Variants in TNNT3 observed in about 807,000 individuals in gnomAD.
The protein encoded by TNNT3 is troponin T3, fast skeletal type, also known as troponin T, fast skeletal muscle.
TNNT3 carries 36 observed loss-of-function variants against 54.2 expected under a neutral mutation model. The ratio of observed to expected loss-of-function variants is 0.66; its 90% CI spans 0.51 to 0.88. TNNT3 has a LOEUF of 0.88. Among genes scored for constraint, TNNT3 ranks in the 40% least tolerant of loss-of-function variants. The pLI, the probability that TNNT3 is intolerant of heterozygous loss-of-function variation, is 0.00. For missense variants in TNNT3, 291 were observed against 331.6 expected (o/e 0.88, Z 0.95); for synonymous variants, 120 against 109.7 (o/e 1.09, Z -0.59).
intron 8 of TNNT3, 35 bp downstream of exon 8, chr11:1,929,863 T>C (rs1189242694): frequency 6.6e-7 from 1 of 1,506,514 alleles, no homozygotes; most frequent in East Asian, 2.5e-5. Flanking sequence ...CGCTGCTGAG[T>C]GTGTTCTGGG....
chr11:1,934,093 C>A, intron 11 of TNNT3, 85 bp downstream of exon 11: 1 of 1,427,940 alleles, frequency 7.0e-7, no homozygotes, highest in South Asian at 1.2e-5. Flanking sequence ...CTTCCTTCTC[C>A]CGGGGTTCCC....
chr11:1,935,003 C>G, intron 14 of TNNT3, 84 bp downstream of exon 14: 1 of 1,327,238 alleles, frequency 7.5e-7, no homozygotes, highest in African/African-American at 1.4e-5. Context: ...CCCTACCAAA[C>G]TCTGGACCTG....
intron 6 of TNNT3, among the ~76,000 whole-genome samples, chr11:1,927,037 G>A (rs1851812141): frequency 6.6e-6 from 1 of 152,200 alleles, no homozygotes; most frequent in African/African-American, 2.4e-5. Flanking sequence ...GACGGTGCTG[G>A]GGTCCACTGG....
chr11:1,935,446 G>A (rs1053113526), intron 14 of TNNT3: 1 of 231,410 alleles, frequency 4.3e-6, no homozygotes, highest in Non-Finnish European at 8.6e-6. Flanking sequence ...AAGGGGCCTG[G>A]GACTGTGCCC....
intron 11 of TNNT3, 48 bp from the exon 12 acceptor site, chr11:1,934,284 A>G (rs2133462997): frequency 1.3e-6 from 2 of 1,559,790 alleles, no homozygotes; most frequent in South Asian, 1.1e-5. Flanking sequence ...CCCAGAAAGC[A>G]TAGCCCTCTC....
At position 1,932,408 on chromosome 11, in the gene TNNT3, G is replaced by C; in HGVS notation, c.126-61G>C. The C allele has an allele frequency of 1.9e-6, 3 of 1,559,682 alleles. No homozygotes were observed. In the Admixed American group the frequency reaches 5.0e-5, roughly 26 times the overall value. ...CAGGGGCCAGCGGGGAAAGCGCCAG[G>C]CTGACCCTCTGGGGTGGGTCTCCGG... On this transcript the variant is annotated intron_variant, in intron 8 of 15. Transcript: ENST00000278317.
Position 1,923,081 on chromosome 11 carries a change from T to C in TNNT3, c.31+20T>C. On this transcript the variant is annotated intron_variant, in intron 3 of 15. Transcript: ENST00000278317. ...TGGAGGGTAAGTGTAACAGCCATTTTCTTTCTACTTCCTGCTCTAGAAGGA... is the reference window on the plus strand; with the variant it reads ...TGGAGGGTAAGTGTAACAGCCATTTCCTTTCTACTTCCTGCTCTAGAAGGA... 6.2e-7 allele frequency: 1 copy of C among 1,613,992 alleles called. No individual in the cohort carries two copies. Among genetic ancestry groups the C allele is most frequent in the South Asian group, 1.1e-5 (1 of 91,082 alleles).
chr11:1,925,493 C>T (rs1851330390), intron 5 of TNNT3: 2 of 627,992 alleles, frequency 3.2e-6, no homozygotes, highest in South Asian at 1.9e-5. Flanking sequence ...CCCCACAGCC[C>T]CCCAGGCAGT....
At chr11:1,934,985 C>G in intron 14 of TNNT3, 66 bp downstream of exon 14, 1 of 1,434,866 alleles carries the variant, frequency 7.0e-7, no homozygotes, top group Non-Finnish European at 9.8e-7. Flanking sequence ...GCAGCCATCT[C>G]CCTGCGTCCC....
chr11:1,926,554 G>C, intron 5 of TNNT3, 141 bp from the exon 6 acceptor site: 1 of 1,611,298 alleles, frequency 6.2e-7, no homozygotes, highest in Non-Finnish European at 8.5e-7. Context: ...GAAGGAACAA[G>C]AGGGGCCGCG....
At chr11:1,920,070 G>A (rs1849744197) in intron 1 of TNNT3, among the ~76,000 whole-genome samples, 2 of 152,314 alleles carry the variant, frequency 1.3e-5, no homozygotes, top group African/African-American at 4.8e-5. Flanking sequence ...GCTAGGGAGT[G>A]GCCTGAGGGC....
intron 6 of TNNT3, among the ~76,000 whole-genome samples, chr11:1,927,004 C>T (rs371936037): frequency 2.0e-5 from 3 of 152,080 alleles, no homozygotes; most frequent in Admixed American, 6.5e-5. Flanking sequence ...GCCTTGAGGC[C>T]GAGGCAGAGC....
intron 13 of TNNT3, 25 bp from the exon 14 acceptor site, chr11:1,934,804 A>T: frequency 6.2e-7 from 1 of 1,611,342 alleles, no homozygotes; most frequent in Non-Finnish European, 8.5e-7. Flanking sequence ...TATTCAACGA[A>T]GCCTCACCAC....
At position 1,928,602 on chromosome 11, in the gene TNNT3, G is replaced by A. The variant is rs116396561; in HGVS notation, c.83-518G>A. 3.4e-3 allele frequency among the ~76,000 whole-genome samples: 516 copies of A among 152,254 alleles called. 3 individuals carry two copies. The highest frequency in any genetic ancestry group is 0.012 in the African/African-American group (479 of 41,536). On this transcript the variant is annotated intron_variant, in intron 6 of 15. Transcript: ENST00000278317. ...GCAAGGAGTTAGACATCACGTTGCC[G>A]GCAGAGGCTCCTGAGGCCTGAGGGC... is the stretch of plus-strand genomic sequence containing the variant.
chr11:1,935,166 G>T (rs941149198), intron 14 of TNNT3: 1 of 586,400 alleles, frequency 1.7e-6, no homozygotes, highest in East Asian at 2.9e-5. Flanking sequence ...CCCTTTGGGC[G>T]GCCTTGGTTA....
At chr11:1,928,925 C>A (rs1479643293) in intron 6 of TNNT3, 195 bp from the exon 7 acceptor site, 4 of 684,582 alleles carry the variant, frequency 5.8e-6, no homozygotes, top group African/African-American at 3.5e-5. Context: ...GCCCCTTCCA[C>A]CCCCTCCCCA....
intron 8 of TNNT3, among the ~76,000 whole-genome samples, chr11:1,931,466 C>T (rs1853325083): frequency 6.6e-6 from 1 of 152,234 alleles, no homozygotes; most frequent in East Asian, 1.9e-4. Flanking sequence ...TACATTGCAG[C>T]CTCTGATGGA....
intron 2 of TNNT3, 55 bp downstream of exon 2, chr11:1,922,946 G>A (rs1850460825): frequency 6.2e-7 from 1 of 1,613,546 alleles, no homozygotes; most frequent in Admixed American, 1.7e-5. Flanking sequence ...TGGCCCCTTG[G>A]CTTCTGTGGG....
chr11:1,928,708 G>A (rs1466088395), intron 6 of TNNT3, among the ~76,000 whole-genome samples: 2 of 152,184 alleles, frequency 1.3e-5, no homozygotes, highest in East Asian at 1.9e-4. Context: ...GAAGCACGAA[G>A]CAAAGGGGCT....
Sources: gnomAD v4.1 joint callset for allele counts (sites outside exome capture counted in the v4.1 genomes callset) on GRCh38, gnomAD v4.1.1 for gene constraint, MANE v1.5 for transcripts, NCBI Gene and HGNC (gene_info 2026-07-23, HGNC 2026-07-21) for gene names.